SYT5: variants seen among roughly 807,000 people sequenced by gnomAD.
SYT5 encodes the protein synaptotagmin 5, also known as synaptotagmin-5.
In SYT5, 29 loss-of-function variants were observed where a neutral mutation model predicts 36.0. The observed-to-expected ratio is 0.81, with a 90% CI of 0.60 to 1.10. The LOEUF (loss-of-function observed/expected upper bound fraction) is 1.10, where lower values mean the gene tolerates loss of function less well. Ranked by LOEUF, SYT5 falls within the 50% of genes least tolerant of loss-of-function variation. The pLI, the probability that SYT5 is intolerant of heterozygous loss-of-function variation, is 0.00. For synonymous variants in SYT5, 231 were observed against 227.6 expected (o/e 1.02, Z -0.14); for missense variants, 512 against 516.0 (o/e 0.99, Z 0.08).
At position 55,171,894 on chromosome 19, in the gene SYT5, G is replaced by C. The variant is rs1397395402; in HGVS notation, c.*1590C>G. 6.6e-6 allele frequency: 1 copy of C among 152,194 alleles called. No homozygotes were observed. Among genetic ancestry groups the C allele is most frequent in the Non-Finnish European group, 1.5e-5 (1 of 68,082 alleles). The allele number at this position is 152,194 out of a possible 1,614,324, so 9.4% of individuals were successfully genotyped here. Reference sequence around the variant, plus strand: ...GAGGATCCCCTGAGCCCAGGAGGTTGAGGCTGCAGTGAGCTATGATTGCCC... The same window carrying C: ...GAGGATCCCCTGAGCCCAGGAGGTTCAGGCTGCAGTGAGCTATGATTGCCC... On this transcript the variant is annotated 3_prime_UTR_variant, in exon 9 of 9. Transcript: ENST00000354308.
intron 8 of SYT5, chr19:55,174,029 T>C: frequency 3.5e-6 from 1 of 284,160 alleles, no homozygotes; most frequent in Non-Finnish European, 6.5e-6. Flanking sequence ...GCGCCGTCCC[T>C]AAAGAAGTGA....
intron 3 of SYT5, among the ~76,000 whole-genome samples, chr19:55,176,625 T>C (rs79714313): frequency 0.068 from 10,388 of 152,230 alleles, 853 homozygotes; most frequent in Admixed American, 0.24. Context: ...TGAACCTGAA[T>C]TCCCCTGAAT....
chr19:55,176,855 G>T (rs2086082162), intron 3 of SYT5, among the ~76,000 whole-genome samples: 2 of 152,160 alleles, frequency 1.3e-5, no homozygotes, highest in African/African-American at 4.8e-5. Context: ...GAGAAGGAAG[G>T]AGGGGAAATA....
At position 55,178,253 on chromosome 19, in the gene SYT5, G is replaced by A; in HGVS notation, c.195C>T (p.Ala65=). Residue 65 remains alanine (A), a synonymous_variant, in exon 3 of 9, where the codon GCC becomes GCT. Transcript: ENST00000354308. ...CTTCCTGAAGGTGGACCTGGGCTTG[G>A]GCCTGGCTCTTCTTGCCTGTCCGCC... ...CRRRTGKKSQ[A]QAQVHLQEVK... is the part of the protein sequence containing the mutation. 6.2e-7 allele frequency: 1 copy of A among 1,610,066 alleles called. No homozygotes were observed. The highest frequency in any genetic ancestry group is 8.5e-7 in the Non-Finnish European group (1 of 1,178,434).
intron 3 of SYT5, chr19:55,176,976 C>T (rs557451396): frequency 5.2e-5 from 8 of 152,384 alleles, no homozygotes; most frequent in Admixed American, 4.6e-4. Flanking sequence ...GTCTGGCTCC[C>T]AGGCAACCAC....
At position 55,173,657 on chromosome 19, in the gene SYT5, C is replaced by T; in HGVS notation, c.988G>A (p.Asp330Asn). 1 of 1,462,268 alleles carries T rather than the reference C, an allele frequency of 6.8e-7. No homozygotes were observed. The highest frequency in any genetic ancestry group is 9.0e-7 in the Non-Finnish European group (1 of 1,107,882). 90.6% of individuals were successfully genotyped at this position (1,462,268 alleles called of 1,614,324 possible). A position where few individuals can be genotyped will look rare whatever the true frequency, so the allele number is the denominator to read the frequency against. Residue 330 changes from aspartate to asparagine, a missense_variant, in exon 9 of 9, where the codon GAC becomes AAC. Asp to Asn is a conservative substitution (Grantham distance 23). Transcript: ENST00000354308. The surrounding 1 kb of genome is among the most constrained non-coding windows in gnomAD (Gnocchi z 5.4). ...QKVQVELTVLDYDKLGKNEAI... is the reference protein window; with the variant it reads ...QKVQVELTVLNYDKLGKNEAI... ...TCGTTCTTGCCCAGCTTGTCGTAGTCCAGCACGGTCAGCTCCACCTGCACC... is the reference window on the plus strand; with the variant it reads ...TCGTTCTTGCCCAGCTTGTCGTAGTTCAGCACGGTCAGCTCCACCTGCACC...
rs562197814 is a variant in SYT5, at chr19:55,179,112, G to A, written c.-45-26C>T. 158 of 1,548,730 alleles carry A rather than the reference G, an allele frequency of 1.0e-4. No individual in the cohort carries two copies. The African/African-American group carries it at 1.8e-3, about 18-fold the overall frequency. ...CTAGTCCCCCATTCCCACCCCAGAC[G>A]TCCTTTGAGCCCCACGCACAACAAA... On this transcript the variant is annotated intron_variant, in intron 1 of 8. Coordinates refer to ENST00000354308, the MANE Select transcript of SYT5 (RefSeq NM_003180.3). This position sits in a 1 kb window ranked among gnomAD's most constrained non-coding sequence, Gnocchi z 4.5.
chr19:55,179,156 G>A lies in SYT5; in HGVS notation c.-45-70C>T. On this transcript the variant is annotated intron_variant, in intron 1 of 8. Transcript: ENST00000354308. The surrounding 1 kb of genome is among the most constrained non-coding windows in gnomAD (Gnocchi z 4.5). ...CAACAAAGAACTCCAACTCCCATGA[G>A]GCCTTTGCGCGAACAGCCGCGCAGA... The A allele has an allele frequency of 4.6e-6, 7 of 1,536,976 alleles. No homozygotes were observed. Among genetic ancestry groups the A allele is most frequent in the Non-Finnish European group, 6.1e-6 (7 of 1,146,358 alleles).
Position 55,175,295 on chromosome 19 carries a change from C to A in SYT5, c.585G>T (p.Val195=). 1 of 1,586,692 alleles carries A rather than the reference C, an allele frequency of 6.3e-7. No homozygotes were observed. Among genetic ancestry groups the A allele is most frequent in the Admixed American group, 1.8e-5 (1 of 55,114 alleles). The change falls in exon 6 of 9, where the codon GTG becomes GTT. Residue 195 remains valine, a synonymous_variant. Transcript: ENST00000354308. The surrounding 1 kb of genome is among the most constrained non-coding windows in gnomAD (Gnocchi z 4.5). The stretch of plus-strand genomic sequence containing the variant: ...TGCGAGAGAAGCGGTCGAAGTCGTA[C>A]ACCGCCATGACCAGCACCCTGCCCC... ...ELGGRVLVMA[V]YDFDRFSRND...
rs894925049 is a variant in SYT5 at position 55,173,693 on chromosome 19, G to A, written c.961-9C>T. 6 of 1,375,902 alleles carry A rather than the reference G, an allele frequency of 4.4e-6. No homozygotes were observed. The African/African-American group carries it at 7.6e-5, about 17-fold the overall frequency. 85.2% of individuals were successfully genotyped at this position (1,375,902 alleles called of 1,614,324 possible). The stretch of plus-strand genomic sequence containing the variant: ...AGCTCCACCTGCACCTTCTGGGGTG[G>A]GCGCGGGAGGAAGAGGAGAGAGGAG... On this transcript the variant is annotated splice_polypyrimidine_tract_variant and intron_variant, in intron 8 of 8. Transcript: ENST00000354308. The surrounding 1 kb of genome is among the most constrained non-coding windows in gnomAD (Gnocchi z 5.4).
In SYT5 at chr19:55,174,186, G is replaced by A. The variant is rs7247841; in HGVS notation, c.960+331C>T. 1.5e-3 allele frequency among the ~76,000 whole-genome samples: 222 copies of A among 147,166 alleles called. 1 individual carries two copies. The highest frequency in any genetic ancestry group is 5.2e-3 in the African/African-American group (205 of 39,118). ...GCATCCTGGTCCTGCTTGGGGGCGGGGCATCCTGGTCCTGCTTGGGGGCGG... is the reference window on the plus strand; with the variant it reads ...GCATCCTGGTCCTGCTTGGGGGCGGAGCATCCTGGTCCTGCTTGGGGGCGG... On this transcript the variant is annotated intron_variant, in intron 8 of 8. Coordinates refer to ENST00000354308, the MANE Select transcript of SYT5 (RefSeq NM_003180.3).
At chr19:55,174,201 C>A (rs2086042424) in intron 8 of SYT5, among the ~76,000 whole-genome samples, 1 of 150,944 alleles carries the variant, frequency 6.6e-6, no homozygotes, top group African/African-American at 2.4e-5. Context: ...CCTGGTCCTG[C>A]TTGGGGGCGG....
Position 55,175,054 on chromosome 19 carries a change from AG to A in SYT5, c.709-56del. On this transcript the variant is annotated intron_variant, in intron 6 of 8. Transcript: ENST00000354308. This position sits in a 1 kb window ranked among gnomAD's most constrained non-coding sequence, Gnocchi z 4.5. ...CCCGGCTCCACATCCATGCCTCCTC[AG>A]GGGTACAATCCACGCCGCCCTGAGG... The A allele has an allele frequency of 5.0e-6, 8 of 1,604,162 alleles. No individual in the cohort carries two copies. Among genetic ancestry groups the A allele is most frequent in the Non-Finnish European group, 6.8e-6 (8 of 1,177,128 alleles).
intron 8 of SYT5, among the ~76,000 whole-genome samples, chr19:55,174,186 GGCATCCTGGTCCTGCTTGGGGGCGGA>G (rs1568875485): frequency 8.2e-5 from 12 of 147,178 alleles, no homozygotes; most frequent in East Asian, 6.2e-4. Context: ...TTGGGGGCGG[GGCATCCTGGTCCTGCTTGGGGGCGGA>G]GCATCCTGGT....
intron 3 of SYT5, among the ~76,000 whole-genome samples, chr19:55,176,747 G>A (rs927029887): frequency 1.0e-4 from 15 of 150,740 alleles, no homozygotes; most frequent in Admixed American, 4.8e-4. Flanking sequence ...TGCTGCAGAC[G>A]GTCTTTGAAC....
At position 55,175,248 on chromosome 19, in the gene SYT5, C is replaced by A; in HGVS notation, c.632G>T (p.Arg211Leu). The change falls in exon 6 of 9, where the codon CGG (arginine) becomes CTG (leucine). Residue 211 changes from arginine (R) to leucine (L), a missense_variant. Physicochemically the swap from Arg to Leu is moderately radical, Grantham distance 102. Transcript: ENST00000354308. This position sits in a 1 kb window ranked among gnomAD's most constrained non-coding sequence, Gnocchi z 4.5. Reference sequence around the variant, plus strand: ...CAGGTCCACGGAGCTCATAGGGACCCGCACCTCCCCGATGGCGTCATTGCG... The same window carrying A: ...CAGGTCCACGGAGCTCATAGGGACCAGCACCTCCCCGATGGCGTCATTGCG... ...FSRNDAIGEVRVPMSSVDLGR... is the reference protein window; with the variant it reads ...FSRNDAIGEVLVPMSSVDLGR... 1 of 1,608,742 alleles carries A rather than the reference C, an allele frequency of 6.2e-7. No homozygotes were observed.
chr19:55,175,471 A>G lies in SYT5; in HGVS notation c.541-132T>C, dbSNP rs970753760. The G allele has an allele frequency of 1.8e-5, 21 of 1,149,894 alleles. No individual in the cohort carries two copies. Among genetic ancestry groups the G allele is most frequent in the Non-Finnish European group, 2.3e-5 (19 of 836,300 alleles). The allele number at this position is 1,149,894 out of a possible 1,614,324, so 71.2% of individuals were successfully genotyped here. A position where few individuals can be genotyped will look rare whatever the true frequency, so the allele number is the denominator to read the frequency against. On this transcript the variant is annotated intron_variant, in intron 5 of 8. Transcript: ENST00000354308. This position sits in a 1 kb window ranked among gnomAD's most constrained non-coding sequence, Gnocchi z 4.5. Reference sequence around the variant, plus strand: ...AACAGTTGGGGGAACTCAAATGGGAAAGTCCAGGGATCCATGCGGAAAAAA... The same window carrying G: ...AACAGTTGGGGGAACTCAAATGGGAGAGTCCAGGGATCCATGCGGAAAAAA...
At chr19:55,174,070 C>T (rs1478534776) in intron 8 of SYT5, 1 of 215,388 alleles carries the variant, frequency 4.6e-6, no homozygotes, top group African/African-American at 2.3e-5. Context: ...GAACCACGTT[C>T]CTGAGGAGGG....
rs2086054596 is a variant in SYT5 at position 55,174,933 on chromosome 19, T to C, written c.775A>G (p.Ile259Val). 1.9e-6 allele frequency: 3 copies of C among 1,614,184 alleles called. No homozygotes were observed. Among genetic ancestry groups the C allele is most frequent in the Non-Finnish European group, 8.5e-7 (1 of 1,180,010 alleles). The change falls in exon 7 of 9, where the codon ATC becomes GTC. Residue 259 changes from isoleucine to valine, a missense_variant. By Grantham distance (29) the Ile-to-Val change is conservative. Transcript: ENST00000354308. ...TTCAGGTTTTTAGCCTCCAGGACGA[T>C]GACGGTGAGCTTCCCGGCCGTGGGG... ...YVPTAGKLTV[I>V]VLEAKNLKKM...
Sources: allele counts gnomAD v4.1 joint callset (sites outside exome capture counted in the v4.1 genomes callset), GRCh38; gene constraint gnomAD v4.1.1; non-coding constraint Gnocchi (gnomAD v3.1); transcripts MANE v1.5; gene names NCBI Gene and HGNC (gene_info 2026-07-23, HGNC 2026-07-21).